The following HELQ variants were observed in gnomAD, a reference collection of about 807,000 sequenced individuals.
HELQ encodes helicase, POLQ like, also known as helicase POLQ-like.
HELQ carries 77 observed loss-of-function variants against 111.6 expected under a neutral mutation model. That is an observed-to-expected ratio of 0.69 (90% confidence interval 0.57 to 0.83). The LOEUF is 0.83. Ranked by LOEUF, HELQ falls within the 40% of genes least tolerant of loss-of-function variation. HELQ has a pLI of 0.00. For synonymous variants in HELQ, 438 were observed against 454.7 expected (o/e 0.96, Z 0.47); for missense variants, 1,200 against 1,288.5 (o/e 0.93, Z 1.05).
At position 83,446,094 on chromosome 4, in the gene HELQ, A is replaced by AT. The variant is rs759242032; in HGVS notation, c.1393-9dup. ...TTCACCAATCATGTGCAACTTCGAG[A>AT]TTTTTTTTAAAAAGGACAGAGAAGT... On this transcript the variant is annotated splice_polypyrimidine_tract_variant and intron_variant, in intron 4 of 17. Transcript: ENST00000295488. The AT allele has an allele frequency of 2.1e-5, 33 of 1,605,444 alleles. No homozygotes were observed. The highest frequency in any genetic ancestry group is 5.4e-5 in the African/African-American group (4 of 74,716).
At chr4:83,414,804 C>G (rs977363119) in intron 17 of HELQ, among the ~76,000 whole-genome samples, 1 of 152,020 alleles carries the variant, frequency 6.6e-6, no homozygotes. Context: ...GCAAACATCA[C>G]TAGTAAATGC....
At chr4:83,417,174 T>C (rs566439104) in intron 16 of HELQ, among the ~76,000 whole-genome samples, 22 of 151,952 alleles carry the variant, frequency 1.4e-4, no homozygotes, top group Admixed American at 7.9e-4. Context: ...TAGTCCAGTA[T>C]CTTTCTTTCT....
At chr4:83,440,715 T>C (rs978106958) in intron 7 of HELQ, among the ~76,000 whole-genome samples, 1 of 152,186 alleles carries the variant, frequency 6.6e-6, no homozygotes, top group East Asian at 1.9e-4. Flanking sequence ...GTCCATAAAT[T>C]ATTCTTTTGT....
Position 83,439,985 on chromosome 4 carries a change from C to T in HELQ, c.1686G>A (p.Met562Ile). Residue 562 changes from methionine to isoleucine, a missense_variant, in exon 8 of 18, where the codon ATG becomes ATA. Around this residue, in one of 3 missense-constraint regions of HELQ, gnomAD observed 585 missense variants for 665.3 expected, o/e 0.88. Coordinates refer to ENST00000295488, the MANE Select transcript of HELQ (RefSeq NM_133636.5). ...NYKYSDTLKK[M>I]DPDHLVALVT... ...CCAATGCTACCAAGTGATCAGGATC[C>T]ATCTTTTTTAGGGTATCAGAATACT... is the stretch of plus-strand genomic sequence containing the variant. 6.2e-7 allele frequency: 1 copy of T among 1,611,630 alleles called. No individual in the cohort carries two copies. Among genetic ancestry groups the T allele is most frequent in the East Asian group, 2.2e-5 (1 of 44,698 alleles).
Position 83,455,795 on chromosome 4 carries a change from C to T in HELQ, c.-102G>A. ...ACGCCGGAGCCCGCTTCTACATCCA[C>T]CTTGGGAAAAGACCCCAAGTTAGCT... is the stretch of plus-strand genomic sequence containing the variant. On this transcript the variant is annotated 5_prime_UTR_variant, in exon 1 of 18. The change creates a new upstream start codon in the 5' untranslated region. Coordinates refer to ENST00000295488, the MANE Select transcript of HELQ (RefSeq NM_133636.5). The T allele has an allele frequency of 8.2e-7, 1 of 1,213,604 alleles. No individual in the cohort carries two copies. Among genetic ancestry groups the T allele is most frequent in the Non-Finnish European group, 1.2e-6 (1 of 861,604 alleles). The allele number at this position is 1,213,604 out of a possible 1,614,324, so 75.2% of individuals were successfully genotyped here. A position where few individuals can be genotyped will look rare whatever the true frequency, so the allele number is the denominator to read the frequency against.
intron 2 of HELQ, among the ~76,000 whole-genome samples, chr4:83,452,281 A>G (rs566236210): frequency 1.3e-5 from 2 of 152,074 alleles, no homozygotes; most frequent in African/African-American, 4.8e-5. Context: ...CTCATCAGCT[A>G]TCGTGTTACT....
Position 83,439,918 on chromosome 4 carries a change from G to T in HELQ, c.1753C>A (p.Pro585Thr), listed in dbSNP as rs6817280. 3.1e-6 allele frequency: 5 copies of T among 1,606,090 alleles called. No homozygotes were observed. In the South Asian group the frequency reaches 5.5e-5, roughly 18 times the overall value. The change falls in exon 8 of 18, where the codon CCT (proline) becomes ACT (threonine). Residue 585 changes from proline to threonine, a missense_variant. Around this residue, in one of 3 missense-constraint regions of HELQ, gnomAD observed 585 missense variants for 665.3 expected, o/e 0.88. Coordinates refer to ENST00000295488, the MANE Select transcript of HELQ (RefSeq NM_133636.5). ...IPNYSCLVFC[P>T]SKKNCENVAE... ...ACATTTTCACAGTTCTTCTTACTAG[G>T]ACAAAAAACTAAGCAGGAATAATTG...
intron 11 of HELQ, among the ~76,000 whole-genome samples, chr4:83,431,062 G>A (rs919938957): frequency 8.6e-5 from 13 of 151,962 alleles, no homozygotes; most frequent in African/African-American, 7.3e-5. Context: ...GTTCACCCAC[G>A]CTCAGTTCCA....
intron 11 of HELQ, among the ~76,000 whole-genome samples, chr4:83,430,952 T>A (rs965679520): frequency 6.6e-5 from 10 of 152,100 alleles, no homozygotes; most frequent in Admixed American, 3.3e-4. Context: ...TTTCTATTCC[T>A]CCCTGAAAAA....
At chr4:83,430,244 T>G (rs1421145029) in intron 11 of HELQ, among the ~76,000 whole-genome samples, 1 of 150,602 alleles carries the variant, frequency 6.6e-6, no homozygotes, top group Non-Finnish European at 1.5e-5. Context: ...CTGCACATTG[T>G]GCACATGTAC....
At chr4:83,430,315 GA>G (rs11286110) in intron 11 of HELQ, among the ~76,000 whole-genome samples, 66,103 of 148,302 alleles carry the variant, frequency 0.45, 15,057 homozygotes, top group East Asian at 0.67. Flanking sequence ...AAAAAGAACT[GA>G]AAAAAAAAAT....
rs969286100 is a variant in HELQ, at chr4:83,446,983, T to G, written c.1244A>C (p.Tyr415Ser). The G allele has an allele frequency of 6.2e-7, 1 of 1,613,798 alleles. No homozygotes were observed. Among genetic ancestry groups the G allele is most frequent in the Non-Finnish European group, 8.5e-7 (1 of 1,179,668 alleles). The change falls in exon 4 of 18, where the codon TAT becomes TCT. Residue 415 changes from tyrosine (Y) to serine (S), a missense_variant. By Grantham distance (144) the Tyr-to-Ser change is moderately radical. Coordinates refer to ENST00000295488, the MANE Select transcript of HELQ (RefSeq NM_133636.5). ...GIELGFFVEE[Y>S]AGSKGRFPPT... ...AGGAAATCTTCCTTTGCTTCCAGCA[T>G]ATTCTTCAACAAAGAAACCGAGTTC...
At position 83,455,439 on chromosome 4, in the gene HELQ, G is replaced by A. The variant is rs1211459413; in HGVS notation, c.255C>T (p.Asp85=). ...LVLGGGDTNP[D]LLRHMPTDRG... ...TGTCAGTGGGCATGTGACGTAGGAG[G>A]TCCGGGTTTGTATCACCACCTCCAA... Residue 85 remains aspartate (D), a synonymous_variant, in exon 1 of 18, where the codon GAC becomes GAT. Transcript: ENST00000295488. 6 of 1,614,020 alleles carry A rather than the reference G, an allele frequency of 3.7e-6. No individual in the cohort carries two copies. The highest frequency in any genetic ancestry group is 4.2e-6 in the Non-Finnish European group (5 of 1,180,012).
Position 83,427,667 on chromosome 4 carries a change from G to A in HELQ, c.2572C>T (p.Leu858Phe). 6.2e-7 allele frequency: 1 copy of A among 1,604,738 alleles called. No homozygotes were observed. The highest frequency in any genetic ancestry group is 8.5e-7 in the Non-Finnish European group (1 of 1,175,936). ...DILYRDLKKGLEGLVLESLLH... is the reference protein window; with the variant it reads ...DILYRDLKKGFEGLVLESLLH... ...AGGCTTTCAAGCACAAGTCCTTCAA[G>A]ACCTTTCTTCAAGTCTCTGTACAGA... Residue 858 changes from leucine to phenylalanine, a missense_variant, in exon 13 of 18, where the codon CTT (leucine) becomes TTT (phenylalanine). Transcript: ENST00000295488.
At chr4:83,422,097 G>A (rs1489477100) in intron 14 of HELQ, among the ~76,000 whole-genome samples, 6 of 151,910 alleles carry the variant, frequency 3.9e-5, no homozygotes, top group Non-Finnish European at 7.4e-5. Flanking sequence ...GTGGTGGCGC[G>A]CACCTGTAGT....
In HELQ at chr4:83,433,378, A is replaced by G. The variant is rs144384173; in HGVS notation, c.2049-1111T>C. Among the ~76,000 whole-genome samples, 808 of 152,288 alleles carry G rather than the reference A, an allele frequency of 5.3e-3. 7 individuals carry two copies. The highest frequency in any genetic ancestry group is 0.012 in the South Asian group (60 of 4,832). The stretch of plus-strand genomic sequence containing the variant: ...AGTATTATATCCACAATATAAGAGT[A>G]GACTATTGGCGGGGCGTGGTGGCTC... On this transcript the variant is annotated intron_variant, in intron 9 of 17. Coordinates refer to ENST00000295488, the MANE Select transcript of HELQ (RefSeq NM_133636.5).
At chr4:83,431,827 A>C (rs1176203405) in intron 10 of HELQ, 59 bp from the exon 11 acceptor site, 1 of 692,514 alleles carries the variant, frequency 1.4e-6, no homozygotes, top group Non-Finnish European at 2.2e-6. Flanking sequence ...ATGGTATTTA[A>C]TATAAATATT....
chr4:83,418,653 G>C (rs558731711), intron 15 of HELQ, among the ~76,000 whole-genome samples: 35 of 152,318 alleles, frequency 2.3e-4, no homozygotes, highest in Middle Eastern at 6.8e-3. Flanking sequence ...GTTAAAGCTA[G>C]AAGGGTAAAT....
intron 15 of HELQ, among the ~76,000 whole-genome samples, chr4:83,420,788 A>G (rs952058730): frequency 2.0e-5 from 3 of 151,916 alleles, no homozygotes; most frequent in African/African-American, 7.3e-5. Context: ...AACAAAAAAA[A>G]TTAGCCAGGT....
Sources: gnomAD v4.1 joint callset for allele counts (sites outside exome capture counted in the v4.1 genomes callset) on GRCh38, gnomAD v4.1.1 for gene constraint, gnomAD v4.1.1 regional missense constraint, MANE v1.5 for transcripts, NCBI Gene and HGNC (gene_info 2026-07-23, HGNC 2026-07-21) for gene names.